The following DPP10 variants were observed in gnomAD, a reference collection of about 807,000 sequenced individuals.
DPP10 encodes the protein dipeptidyl peptidase like 10.
Under a neutral mutation model 120.9 loss-of-function variants are expected in DPP10, and 33 were observed. The observed-to-expected ratio is 0.27, with a 90% CI of 0.21 to 0.37. The LOEUF is 0.37. Ranked by LOEUF, DPP10 falls within the 10% of genes least tolerant of loss-of-function variation. The probability of loss-of-function intolerance (pLI) is 1.00; values close to 1 mark genes in which losing one functional copy is unlikely to be tolerated. For missense variants in DPP10, 816 were observed against 942.8 expected (o/e 0.87, Z 1.76); for synonymous variants, 337 against 326.1 (o/e 1.03, Z -0.36).
rs116940852 is a variant in DPP10, at chr2:114,795,590, G to A, written c.60+352752G>A. 1.0e-3 allele frequency among the ~76,000 whole-genome samples: 155 copies of A among 152,106 alleles called. 1 individual carries two copies. In the East Asian group the frequency reaches 0.019, roughly 19 times the overall value. On this transcript the variant is annotated intron_variant, in intron 1 of 25. Transcript: ENST00000410059. ...GCACCGTTCTCAATTCATAAGCACA[G>A]TTGACCCTTGAACAACAGAGTTTTG... is the stretch of plus-strand genomic sequence containing the variant.
chr2:114,522,103 C>A (rs1216650137), intron 1 of DPP10, among the ~76,000 whole-genome samples: 1 of 148,914 alleles, frequency 6.7e-6, no homozygotes, highest in African/African-American at 2.5e-5. Flanking sequence ...CCTCAGCCTC[C>A]CAAGTAGCTG....
intron 1 of DPP10, among the ~76,000 whole-genome samples, chr2:115,268,137 C>T (rs1412256253): frequency 3.3e-5 from 5 of 152,124 alleles, no homozygotes; most frequent in African/African-American, 4.8e-5. Flanking sequence ...TTGTTGTATC[C>T]GTATTTGTAA....
At chr2:115,176,959 G>C (rs2053733420) in intron 1 of DPP10, among the ~76,000 whole-genome samples, 1 of 152,110 alleles carries the variant, frequency 6.6e-6, no homozygotes, top group Admixed American at 6.5e-5. Flanking sequence ...ATTGAAAATG[G>C]AGTTTACTTT....
At chr2:114,627,833 A>G (rs1694630292) in intron 1 of DPP10, among the ~76,000 whole-genome samples, 1 of 152,166 alleles carries the variant, frequency 6.6e-6, no homozygotes, top group South Asian at 2.1e-4. Context: ...ATGCAAGACT[A>G]TCTTGGGATT....
At chr2:115,274,713 G>C (rs1425292497) in intron 1 of DPP10, among the ~76,000 whole-genome samples, 1 of 152,190 alleles carries the variant, frequency 6.6e-6, no homozygotes, top group Non-Finnish European at 1.5e-5. Context: ...GATTGAATGT[G>C]AATTTAACCC....
intron 1 of DPP10, among the ~76,000 whole-genome samples, chr2:114,497,047 A>ATATG (rs1178542345): frequency 6.6e-6 from 1 of 150,758 alleles, no homozygotes; most frequent in African/African-American, 2.4e-5. Context: ...ATATATATGC[A>ATATG]TACACATACA....
At chr2:115,322,251 A>G (rs1208810496) in intron 2 of DPP10, among the ~76,000 whole-genome samples, 3 of 152,116 alleles carry the variant, frequency 2.0e-5, no homozygotes, top group Non-Finnish European at 2.9e-5. Context: ...ATTTTAAACT[A>G]TTTTTGAAAA....
At chr2:114,804,653 C>G (rs1006668282) in intron 1 of DPP10, among the ~76,000 whole-genome samples, 1 of 152,310 alleles carries the variant, frequency 6.6e-6, no homozygotes, top group Non-Finnish European at 1.5e-5. Flanking sequence ...CCTGTAACCC[C>G]TTTATTTTGG....
chr2:115,647,226 C>T (rs772679364), intron 5 of DPP10, among the ~76,000 whole-genome samples: 11 of 152,200 alleles, frequency 7.2e-5, no homozygotes, highest in South Asian at 6.2e-4. Flanking sequence ...TGGGTTTAAC[C>T]GCTTTATCAA....
At chr2:114,662,591 C>G (rs1697512260) in intron 1 of DPP10, among the ~76,000 whole-genome samples, 1 of 152,190 alleles carries the variant, frequency 6.6e-6, no homozygotes, top group Non-Finnish European at 1.5e-5. Context: ...GGGCGCCGTT[C>G]TTCCCTGAGA....
chr2:115,653,980 C>A (rs112046692), intron 5 of DPP10, among the ~76,000 whole-genome samples: 3 of 151,896 alleles, frequency 2.0e-5, no homozygotes, highest in African/African-American at 7.2e-5. Context: ...AGTTCAAATA[C>A]CAAACTGACT....
chr2:114,827,402 C>T (rs1008843912), intron 1 of DPP10, among the ~76,000 whole-genome samples: 3 of 152,012 alleles, frequency 2.0e-5, no homozygotes, highest in African/African-American at 7.2e-5. Flanking sequence ...GTCTATAGAT[C>T]CATTGAAAAA....
chr2:114,632,122 T>G (rs13014650), intron 1 of DPP10, among the ~76,000 whole-genome samples: 15,483 of 152,230 alleles, frequency 0.1, 897 homozygotes, highest in East Asian at 0.14. Flanking sequence ...ATTTTTTCTC[T>G]GTCTTTTTTG....
At chr2:115,618,579 T>C (rs531066784) in intron 5 of DPP10, among the ~76,000 whole-genome samples, 1 of 152,364 alleles carries the variant, frequency 6.6e-6, no homozygotes, top group African/African-American at 2.4e-5. Flanking sequence ...TACTAGGTAC[T>C]GTAGGCTTTG....
intron 1 of DPP10, among the ~76,000 whole-genome samples, chr2:114,688,500 G>A (rs559239339): frequency 1.3e-5 from 2 of 151,896 alleles, no homozygotes; most frequent in African/African-American, 4.8e-5. Flanking sequence ...CCTGTGTTTG[G>A]CTAGAAAAGC....
At chr2:115,761,413 A>T (rs1680098888) in intron 11 of DPP10, among the ~76,000 whole-genome samples, 1 of 152,136 alleles carries the variant, frequency 6.6e-6, no homozygotes, top group African/African-American at 2.4e-5. Flanking sequence ...CATACTATTG[A>T]TCTGACACCT....
chr2:114,612,082 C>G (rs543341663), intron 1 of DPP10, among the ~76,000 whole-genome samples: 1 of 152,298 alleles, frequency 6.6e-6, no homozygotes, highest in South Asian at 2.1e-4. Context: ...AACACTACCT[C>G]ATTCTCAAGG....
Position 115,005,154 on chromosome 2 carries a change from G to A in DPP10, c.61-304085G>A, listed in dbSNP as rs1356179959. Among the ~76,000 whole-genome samples, 7 of 151,496 alleles carry A rather than the reference G, an allele frequency of 4.6e-5. No individual in the cohort carries two copies. The East Asian group carries it at 1.2e-3, about 25-fold the overall frequency. On this transcript the variant is annotated intron_variant, in intron 1 of 25. Coordinates refer to ENST00000410059, the MANE Select transcript of DPP10 (RefSeq NM_020868.6). ...GTACTCCAACAGACCTGCATCTGAG[G>A]GTCCTCTCTCTTAGAAGGAAAACTA...
At chr2:114,662,875 C>T (rs1443815108) in intron 1 of DPP10, among the ~76,000 whole-genome samples, 1 of 152,096 alleles carries the variant, frequency 6.6e-6, no homozygotes, top group African/African-American at 2.4e-5. Context: ...CCCTCGTAGC[C>T]GGGTCCTGAA....
Sources: allele counts gnomAD v4.1 joint callset (sites outside exome capture counted in the v4.1 genomes callset), GRCh38; gene constraint gnomAD v4.1.1; transcripts MANE v1.5; gene names NCBI Gene and HGNC (gene_info 2026-07-23, HGNC 2026-07-21).